The following ESF1 variants were observed in gnomAD, a reference collection of about 807,000 sequenced individuals.
ESF1 encodes the protein ESF1 homolog.
A neutral mutation model predicts 92.0 loss-of-function variants in ESF1; 58 were observed. The observed-to-expected ratio is 0.63, with a 90% confidence interval of 0.51 to 0.78. The LOEUF is 0.78. Ranked by LOEUF, ESF1 falls within the 30% of genes least tolerant of loss-of-function variation. ESF1 has a pLI of 0.00. For synonymous variants in ESF1, 321 were observed against 313.7 expected (o/e 1.02, Z -0.24); for missense variants, 922 against 989.1 (o/e 0.93, Z 0.91).
At chr20:13,739,735 A>G (rs2049998786) in intron 9 of ESF1, among the ~76,000 whole-genome samples, 1 of 152,036 alleles carries the variant, frequency 6.6e-6, no homozygotes, top group Admixed American at 6.6e-5. Context: ...AAAAAAAAAA[A>G]AAGAAAGCTC....
At chr20:13,771,263 C>T in intron 6 of ESF1, 68 bp downstream of exon 6, 1 of 1,450,524 alleles carries the variant, frequency 6.9e-7, no homozygotes, top group African/African-American at 1.4e-5. Flanking sequence ...ACTACCAGTT[C>T]AAATATTTTA....
chr20:13,740,518 C>G (rs7265467), intron 9 of ESF1, among the ~76,000 whole-genome samples: 33,787 of 151,976 alleles, frequency 0.22, 4,000 homozygotes, highest in Non-Finnish European at 0.27. Context: ...TTATCAGATT[C>G]AGAGTTAGAA....
rs1041925635 is a variant in ESF1 at position 13,749,559 on chromosome 20, G to A, written c.1828+10133C>T. ...GAATGGGTAGATTGAGCAAGGATAT[G>A]TCTTTTTTATTTTTTAATTTTTTTG... On this transcript the variant is annotated intron_variant, in intron 9 of 13. Coordinates refer to ENST00000617257, the MANE Select transcript of ESF1 (RefSeq NM_001276380.2). Among the ~76,000 whole-genome samples, 7 of 151,474 alleles carry A rather than the reference G, an allele frequency of 4.6e-5. No individual in the cohort carries two copies. The South Asian group carries it at 1.3e-3, about 27-fold the overall frequency.
intron 7 of ESF1, 118 bp from the exon 8 acceptor site, chr20:13,767,042 T>C (rs147594547): frequency 1.2e-6 from 1 of 867,108 alleles, no homozygotes; most frequent in Admixed American, 2.5e-5. Context: ...TTAAGACACA[T>C]TAAAACAAAT....
chr20:13,745,417 G>A (rs1220180075), intron 9 of ESF1, among the ~76,000 whole-genome samples: 1 of 152,140 alleles, frequency 6.6e-6, no homozygotes, highest in Non-Finnish European at 1.5e-5. Flanking sequence ...ACACATATAT[G>A]GATATGGCTA....
chr20:13,750,593 G>A (rs778200955), intron 9 of ESF1, among the ~76,000 whole-genome samples: 5 of 152,184 alleles, frequency 3.3e-5, no homozygotes, highest in African/African-American at 7.2e-5. Context: ...GTAGGAATCA[G>A]ATTATATTTT....
intron 9 of ESF1, among the ~76,000 whole-genome samples, chr20:13,753,171 C>A (rs897794724): frequency 6.6e-6 from 1 of 151,996 alleles, no homozygotes; most frequent in Non-Finnish European, 1.5e-5. Flanking sequence ...ATTCCTTCTC[C>A]CAAAACAATG....
rs145422895 is a variant in ESF1 at position 13,763,236 on chromosome 20, G to A, written c.1667-3383C>T. 4.4e-3 allele frequency among the ~76,000 whole-genome samples: 675 copies of A among 152,210 alleles called. 6 individuals are homozygous for A. The highest frequency in any genetic ancestry group is 0.017 in the Middle Eastern group (5 of 294). On this transcript the variant is annotated intron_variant, in intron 8 of 13. Transcript: ENST00000617257. ...TTCAGTATTTCCAACCATAAGCCTG[G>A]TATTATTAGATCCTCATTTCACAGC...
At chr20:13,752,107 G>A (rs952636085) in intron 9 of ESF1, among the ~76,000 whole-genome samples, 1 of 152,124 alleles carries the variant, frequency 6.6e-6, no homozygotes, top group African/African-American at 2.4e-5. Flanking sequence ...GCAATCACAT[G>A]GAGGAAATGT....
intron 8 of ESF1, among the ~76,000 whole-genome samples, chr20:13,760,099 T>C (rs1979092891): frequency 6.6e-6 from 1 of 152,270 alleles, no homozygotes; most frequent in Non-Finnish European, 1.5e-5. Flanking sequence ...TTATATTGGA[T>C]AATAATTCTG....
In ESF1 at chr20:13,775,166, AAAT is replaced by A; in HGVS notation, c.1137_1139del (p.Phe380del). On this transcript the variant is annotated inframe_deletion, in exon 4 of 14. Transcript: ENST00000617257. ...TGAAATCAATTCTCACCTTGACGGAAAATATTACACCTCCTTTGGGTTTAAATG... is the reference window on the plus strand; with the variant it reads ...TGAAATCAATTCTCACCTTGACGGAAATTACACCTCCTTTGGGTTTAAATG... 6.3e-7 allele frequency: 1 copy of A among 1,591,350 alleles called. No individual in the cohort carries two copies. Among genetic ancestry groups the A allele is most frequent in the Non-Finnish European group, 8.5e-7 (1 of 1,170,574 alleles).
chr20:13,718,971 T>G lies in ESF1; in HGVS notation c.2052A>C (p.Lys684Asn). The stretch of plus-strand genomic sequence containing the variant: ...TGCCATCTTTTGCAGATTTTACCGA[T>G]TTTTTATTTATACCTGGCACAACAA... ...EEVKQIGINK[K>N]SVKSAKDGTS... The change falls in exon 12 of 14, where the codon AAA (lysine) becomes AAC (asparagine). Residue 684 changes from lysine (K) to asparagine (N), a missense_variant. By Grantham distance (94) the Lys-to-Asn change is moderately conservative. Transcript: ENST00000617257. 6.2e-7 allele frequency: 1 copy of G among 1,604,002 alleles called. No homozygotes were observed. Among genetic ancestry groups the G allele is most frequent in the Non-Finnish European group, 8.5e-7 (1 of 1,176,998 alleles).
At chr20:13,768,182 G>T (rs536243434) in intron 7 of ESF1, among the ~76,000 whole-genome samples, 2 of 152,150 alleles carry the variant, frequency 1.3e-5, no homozygotes, top group Non-Finnish European at 2.9e-5. Context: ...TGCCCACCAC[G>T]GCATAGCAGG....
chr20:13,761,413 TAAA>T (rs202029740), intron 8 of ESF1, among the ~76,000 whole-genome samples: 3 of 139,690 alleles, frequency 2.1e-5, no homozygotes, highest in African/African-American at 2.6e-5. Context: ...TACAAAAAAT[TAAA>T]AAAAAAAAAA....
intron 9 of ESF1, among the ~76,000 whole-genome samples, chr20:13,756,026 A>G (rs1322553342): frequency 1.3e-5 from 2 of 152,230 alleles, no homozygotes; most frequent in Non-Finnish European, 2.9e-5. Context: ...TTACTGAAGC[A>G]TAACATCAAA....
At chr20:13,772,681 G>A (rs760808235) in intron 4 of ESF1, 66 bp from the exon 5 acceptor site, 28 of 1,156,986 alleles carry the variant, frequency 2.4e-5, no homozygotes, top group Non-Finnish European at 3.2e-5. Context: ...TAGACCTGTC[G>A]AAGTCAGGAA....
rs769389179 is a variant in ESF1, at chr20:13,776,289, G to T, written c.638-19C>A. The T allele has an allele frequency of 2.5e-6, 4 of 1,578,192 alleles. No homozygotes were observed. In the South Asian group the frequency reaches 4.7e-5, roughly 18 times the overall value. On this transcript the variant is annotated intron_variant, in intron 2 of 13. Transcript: ENST00000617257. ...TGAACCACTGCAAAATGTTAAAGGG[G>T]AAAGAAATTAAGAAAAGATATATGC...
chr20:13,740,419 G>A (rs1672232236), intron 9 of ESF1, among the ~76,000 whole-genome samples: 1 of 152,112 alleles, frequency 6.6e-6, no homozygotes, highest in Admixed American at 6.5e-5. Flanking sequence ...ACACTAGACA[G>A]AGGTAAAGAA....
intron 9 of ESF1, among the ~76,000 whole-genome samples, chr20:13,744,078 C>T (rs1352979911): frequency 2.0e-5 from 3 of 152,114 alleles, no homozygotes; most frequent in Non-Finnish European, 4.4e-5. Flanking sequence ...TTCATTATAA[C>T]AAACAAACAA....
Sources: gnomAD v4.1 joint callset for allele counts (sites outside exome capture counted in the v4.1 genomes callset) on GRCh38, gnomAD v4.1.1 for gene constraint, MANE v1.5 for transcripts, NCBI Gene and HGNC (gene_info 2026-07-23, HGNC 2026-07-21) for gene names.